The following PRKN variants were observed in gnomAD, a reference collection of about 807,000 sequenced individuals.
PRKN encodes the protein parkin RBR E3 ubiquitin protein ligase, also known as E3 ubiquitin-protein ligase parkin.
In PRKN, 56 loss-of-function variants were observed where a neutral mutation model predicts 59.5. That is an observed-to-expected ratio of 0.94 (90% CI 0.76 to 1.18). The LOEUF (loss-of-function observed/expected upper bound fraction) is 1.18. Ranked by LOEUF, PRKN falls within the 50% of genes most tolerant of loss-of-function variation. The pLI is 0.00. For missense variants in PRKN, 657 were observed against 596.4 expected (o/e 1.10, Z -1.06); for synonymous variants, 250 against 222.1 (o/e 1.13, Z -1.12).
intron 9 of PRKN, among the ~76,000 whole-genome samples, chr6:161,431,145 A>AAC (rs1788630964): frequency 6.6e-6 from 1 of 151,682 alleles, no homozygotes; most frequent in African/African-American, 2.4e-5. Context: ...TCTCAAAAAA[A>AAC]AAAAAAAGAA....
chr6:162,275,816 C>T (rs532218336), intron 2 of PRKN, among the ~76,000 whole-genome samples: 1 of 151,854 alleles, frequency 6.6e-6, no homozygotes, highest in Admixed American at 6.6e-5. Flanking sequence ...CAGACACACA[C>T]ATATTAATGA....
At chr6:161,630,195 A>T (rs1783247800) in intron 7 of PRKN, among the ~76,000 whole-genome samples, 1 of 152,226 alleles carries the variant, frequency 6.6e-6, no homozygotes, top group Non-Finnish European at 1.5e-5. Flanking sequence ...ATATGAAAGC[A>T]GAGCCTTTAG....
chr6:162,418,243 A>C (rs1427663575), intron 2 of PRKN, among the ~76,000 whole-genome samples: 1 of 152,206 alleles, frequency 6.6e-6, no homozygotes, highest in Non-Finnish European at 1.5e-5. Context: ...AAGTGAAAGA[A>C]GGCAATCACA....
At chr6:162,071,238 G>C (rs1489927093) in intron 4 of PRKN, among the ~76,000 whole-genome samples, 1 of 149,734 alleles carries the variant, frequency 6.7e-6, no homozygotes, top group Non-Finnish European at 1.5e-5. Flanking sequence ...TGGGGGCAGA[G>C]ACAGCACCAA....
chr6:162,262,418 C>T (rs2128099963), intron 3 of PRKN, 107 bp downstream of exon 3: 9 of 1,388,124 alleles, frequency 6.5e-6, no homozygotes, highest in Non-Finnish European at 9.2e-6. Context: ...GACTCCAATC[C>T]AAAACGTATC....
At chr6:162,099,203 C>A (rs1779867266) in intron 4 of PRKN, among the ~76,000 whole-genome samples, 1 of 152,158 alleles carries the variant, frequency 6.6e-6, no homozygotes. Flanking sequence ...TGGCCACGGG[C>A]CGTCAGGTAC....
intron 6 of PRKN, among the ~76,000 whole-genome samples, chr6:161,954,706 C>T (rs1457516087): frequency 1.3e-5 from 2 of 152,240 alleles, no homozygotes; most frequent in African/African-American, 4.8e-5. Context: ...ACCTATTAAA[C>T]CTGATCGAGG....
In PRKN at chr6:162,649,139, C is replaced by T. The variant is rs28380280; in HGVS notation, c.7+78523G>A. 3.2e-3 allele frequency among the ~76,000 whole-genome samples: 482 copies of T among 152,186 alleles called. 17 individuals carry two copies. The East Asian group carries it at 0.084, about 27-fold the overall frequency. ...CATTTCTTTCTCTGGAGAACCTTGACGGATACACATACTAAATCTCCGTCA... is the reference window on the plus strand; with the variant it reads ...CATTTCTTTCTCTGGAGAACCTTGATGGATACACATACTAAATCTCCGTCA... On this transcript the variant is annotated intron_variant, in intron 1 of 11. Coordinates refer to ENST00000366898, the MANE Select transcript of PRKN (RefSeq NM_004562.3).
chr6:162,101,033 T>A (rs922608992), intron 4 of PRKN, among the ~76,000 whole-genome samples: 5 of 152,154 alleles, frequency 3.3e-5, no homozygotes, highest in African/African-American at 9.7e-5. Context: ...TCATAGGTTG[T>A]CTCTTCACTC....
At chr6:162,538,608 C>A (rs899139011) in intron 1 of PRKN, among the ~76,000 whole-genome samples, 2 of 152,056 alleles carry the variant, frequency 1.3e-5, no homozygotes, top group African/African-American at 4.8e-5. Flanking sequence ...TTTCTCATAG[C>A]TGAAAATATT....
chr6:162,353,686 T>C (rs1488844990), intron 2 of PRKN, among the ~76,000 whole-genome samples: 5 of 152,126 alleles, frequency 3.3e-5, no homozygotes, highest in Non-Finnish European at 5.9e-5. Context: ...TGGCATGATA[T>C]AATAGAAAGA....
chr6:161,378,381 C>T lies in PRKN; in HGVS notation c.1167+8413G>A, dbSNP rs1169566045. On this transcript the variant is annotated intron_variant, in intron 10 of 11. Coordinates refer to ENST00000366898, the MANE Select transcript of PRKN (RefSeq NM_004562.3). This position sits in a 1 kb window ranked among gnomAD's most constrained non-coding sequence, Gnocchi z 7.3. ...TCGGGCATCCCCCCATCTGCCACAC[C>T]GCCAACATTCAACCTGCCGGCAACA... is the stretch of plus-strand genomic sequence containing the variant. Among the ~76,000 whole-genome samples the T allele has an allele frequency of 6.6e-6, 1 of 152,170 alleles. No individual in the cohort carries two copies. The highest frequency in any genetic ancestry group is 1.9e-4 in the East Asian group (1 of 5,186).
intron 9 of PRKN, among the ~76,000 whole-genome samples, chr6:161,524,032 T>G (rs1428990621): frequency 6.6e-6 from 1 of 152,210 alleles, no homozygotes; most frequent in African/African-American, 2.4e-5. Context: ...CCTATCCAGA[T>G]AGTTCTCATT....
intron 2 of PRKN, among the ~76,000 whole-genome samples, chr6:162,284,010 A>T (rs2128107148): frequency 6.6e-6 from 1 of 152,284 alleles, no homozygotes; most frequent in Middle Eastern, 3.4e-3. Flanking sequence ...ACATATATTT[A>T]GCCAAAAGTA....
intron 6 of PRKN, among the ~76,000 whole-genome samples, chr6:161,915,199 T>A (rs1189924362): frequency 6.6e-6 from 1 of 152,120 alleles, no homozygotes; most frequent in Non-Finnish European, 1.5e-5. Flanking sequence ...GGCACCAGAA[T>A]TATTTGAACC....
At chr6:162,338,644 C>G (rs1302179044) in intron 2 of PRKN, among the ~76,000 whole-genome samples, 1 of 152,046 alleles carries the variant, frequency 6.6e-6, no homozygotes, top group African/African-American at 2.4e-5. Context: ...TCCCAAAGTG[C>G]CGAGATTGCA....
At chr6:162,184,506 T>C (rs1240096183) in intron 4 of PRKN, among the ~76,000 whole-genome samples, 1 of 152,190 alleles carries the variant, frequency 6.6e-6, no homozygotes, top group Non-Finnish European at 1.5e-5. Context: ...GATGGTTTTA[T>C]AAGGGGCTTC....
intron 5 of PRKN, among the ~76,000 whole-genome samples, chr6:161,979,387 C>T (rs543058507): frequency 1.5e-4 from 23 of 152,268 alleles, no homozygotes; most frequent in African/African-American, 5.5e-4. Context: ...AATCTCATGT[C>T]TCAGCCTCCT....
chr6:161,670,754 T>TG (rs1382920899), intron 7 of PRKN, among the ~76,000 whole-genome samples: 1 of 152,130 alleles, frequency 6.6e-6, no homozygotes, highest in Non-Finnish European at 1.5e-5. Context: ...AGGCAGAGCT[T>TG]GCAGTGAGCT....
Sources: allele counts gnomAD v4.1 joint callset (sites outside exome capture counted in the v4.1 genomes callset), GRCh38; gene constraint gnomAD v4.1.1; non-coding constraint Gnocchi (gnomAD v3.1); transcripts MANE v1.5; gene names NCBI Gene and HGNC (gene_info 2026-07-23, HGNC 2026-07-21).